The following TTC1 variants were observed in gnomAD, a reference collection of about 807,000 sequenced individuals.
The protein encoded by TTC1 is tetratricopeptide repeat protein 1.
Under a neutral mutation model 37.6 loss-of-function variants are expected in TTC1, and 31 were observed. That is an observed-to-expected ratio of 0.82 (90% CI 0.62 to 1.11). The LOEUF is 1.11. TTC1 is among the 50% of genes most tolerant of loss of function. TTC1 has a pLI of 0.00. For synonymous variants in TTC1, 127 were observed against 122.4 expected (o/e 1.04, Z -0.25); for missense variants, 351 against 339.0 (o/e 1.04, Z -0.28).
At chr5:160,017,542 G>A (rs1306854305) in intron 2 of TTC1, among the ~76,000 whole-genome samples, 1 of 152,150 alleles carries the variant, frequency 6.6e-6, no homozygotes, top group East Asian at 1.9e-4. Context: ...AATTTTGGAG[G>A]GACACATTCA....
intron 5 of TTC1, among the ~76,000 whole-genome samples, chr5:160,049,030 G>A (rs1031505318): frequency 6.6e-6 from 1 of 152,166 alleles, no homozygotes; most frequent in Non-Finnish European, 1.5e-5. Flanking sequence ...TAAATGACAA[G>A]TAGGCAAAAA....
chr5:160,025,540 C>T (rs1411240558), intron 2 of TTC1, among the ~76,000 whole-genome samples: 1 of 152,216 alleles, frequency 6.6e-6, no homozygotes, highest in African/African-American at 2.4e-5. Context: ...GGAGCAGTGT[C>T]ATCCCCTTTT....
intron 7 of TTC1, 41 bp downstream of exon 7, chr5:160,051,224 G>C: frequency 6.5e-7 from 1 of 1,550,124 alleles, no homozygotes; most frequent in Non-Finnish European, 8.8e-7. Flanking sequence ...AAACAGCTAG[G>C]AACCTAGGGT....
At chr5:160,031,883 A>G (rs1159474494) in intron 2 of TTC1, among the ~76,000 whole-genome samples, 1 of 152,096 alleles carries the variant, frequency 6.6e-6, no homozygotes, top group Non-Finnish European at 1.5e-5. Flanking sequence ...GCTTGCTTAT[A>G]GTCCCCGCTA....
chr5:160,011,167 T>C (rs1756496918), intron 2 of TTC1, among the ~76,000 whole-genome samples: 1 of 152,266 alleles, frequency 6.6e-6, no homozygotes, highest in Admixed American at 6.5e-5. Flanking sequence ...TTTTTAGTTT[T>C]CTGTTATGAA....
In TTC1 at chr5:160,044,630, A is replaced by G. The variant is rs1404076546; in HGVS notation, c.541+1461A>G. Among the ~76,000 whole-genome samples, 3 of 152,322 alleles carry G rather than the reference A, an allele frequency of 2.0e-5. No individual in the cohort carries two copies. The East Asian group carries it at 5.8e-4, about 29-fold the overall frequency. On this transcript the variant is annotated intron_variant, in intron 5 of 7. Coordinates refer to ENST00000231238, the MANE Select transcript of TTC1 (RefSeq NM_003314.3). ...TATAATTTGCATTTAGGGAGCAGTGAGGATGACCAGAGGTCACTTCCATCG... is the reference window on the plus strand; with the variant it reads ...TATAATTTGCATTTAGGGAGCAGTGGGGATGACCAGAGGTCACTTCCATCG...
chr5:160,052,988 T>C (rs1757443403), intron 7 of TTC1, among the ~76,000 whole-genome samples: 1 of 152,172 alleles, frequency 6.6e-6, no homozygotes, highest in South Asian at 2.1e-4. Flanking sequence ...CCTTAATGAG[T>C]ATAAAAATCA....
At chr5:160,010,901 C>T (rs1756491252) in intron 2 of TTC1, 43 bp downstream of exon 2, 1 of 1,553,764 alleles carries the variant, frequency 6.4e-7, no homozygotes, top group Admixed American at 1.8e-5. Flanking sequence ...ACTTACACTG[C>T]ATTTTAAAAT....
At chr5:160,020,752 C>G (rs2113349708) in intron 2 of TTC1, among the ~76,000 whole-genome samples, 1 of 152,288 alleles carries the variant, frequency 6.6e-6, no homozygotes, top group South Asian at 2.1e-4. Context: ...CTCTCATCAC[C>G]CCCAGGTAGG....
chr5:160,022,163 A>G (rs1330021441), intron 2 of TTC1, among the ~76,000 whole-genome samples: 4 of 152,224 alleles, frequency 2.6e-5, no homozygotes, highest in African/African-American at 9.7e-5. Flanking sequence ...AATGTATTTC[A>G]TGCAAGTTTT....
intron 5 of TTC1, among the ~76,000 whole-genome samples, chr5:160,045,520 A>ACACACACACACTCTCT (rs1202139318): frequency 1.8e-5 from 1 of 54,884 alleles, no homozygotes; most frequent in Non-Finnish European, 3.3e-5. Context: ...ACACATACAC[A>ACACACACACACTCTCT]CTCTCTCTCT....
At chr5:160,048,197 G>A (rs575940458) in intron 5 of TTC1, among the ~76,000 whole-genome samples, 2 of 125,734 alleles carry the variant, frequency 1.6e-5, no homozygotes, top group Admixed American at 1.0e-4. Flanking sequence ...GCCCGGGCTG[G>A]AGTACAGTGA....
intron 2 of TTC1, among the ~76,000 whole-genome samples, chr5:160,029,915 T>G (rs1756879146): frequency 6.6e-6 from 1 of 152,114 alleles, no homozygotes; most frequent in Admixed American, 6.5e-5. Context: ...GGGATATGGG[T>G]GGGGCCCACC....
At chr5:160,044,340 G>A (rs1757161800) in intron 5 of TTC1, among the ~76,000 whole-genome samples, 2 of 152,144 alleles carry the variant, frequency 1.3e-5, no homozygotes, top group African/African-American at 4.8e-5. Context: ...AAGTTTATTA[G>A]AGAAATAAAG....
At chr5:160,027,319 G>A (rs950540586) in intron 2 of TTC1, among the ~76,000 whole-genome samples, 3 of 152,298 alleles carry the variant, frequency 2.0e-5, no homozygotes, top group Middle Eastern at 3.4e-3. Context: ...AGGAGCCACT[G>A]TGCCCAGCCC....
At chr5:160,052,954 TTGAA>T (rs1320789456) in intron 7 of TTC1, among the ~76,000 whole-genome samples, 1 of 152,234 alleles carries the variant, frequency 6.6e-6, no homozygotes, top group Admixed American at 6.5e-5. Context: ...CATGTGTAGT[TTGAA>T]TGGCTAGATT....
chr5:160,028,298 C>CA (rs61408395), intron 2 of TTC1, among the ~76,000 whole-genome samples: 11,125 of 79,418 alleles, frequency 0.14, 528 homozygotes, highest in Admixed American at 0.22. Context: ...GACTCCGTCT[C>CA]AAAAAAAAAA....
intron 7 of TTC1, among the ~76,000 whole-genome samples, chr5:160,060,836 C>G (rs1423469086): frequency 6.6e-6 from 1 of 152,208 alleles, no homozygotes; most frequent in Admixed American, 6.5e-5. Flanking sequence ...CTGTTTTGCC[C>G]TGTTCTTTGT....
chr5:160,051,923 T>A (rs1200398634), intron 7 of TTC1, among the ~76,000 whole-genome samples: 1 of 152,246 alleles, frequency 6.6e-6, no homozygotes, highest in African/African-American at 2.4e-5. Context: ...TAAACTGCAA[T>A]CATGTGGCCC....
Sources: allele counts gnomAD v4.1 joint callset (sites outside exome capture counted in the v4.1 genomes callset), GRCh38; gene constraint gnomAD v4.1.1; transcripts MANE v1.5; gene names NCBI Gene and HGNC (gene_info 2026-07-23, HGNC 2026-07-21).